Variants in GRIN2C observed in about 807,000 individuals in gnomAD.
GRIN2C encodes the protein glutamate ionotropic receptor NMDA type subunit 2C.
GRIN2C carries 64 observed loss-of-function variants against 77.7 expected under a neutral mutation model. That is an observed-to-expected ratio of 0.82 (90% confidence interval 0.67 to 1.01). The LOEUF is 1.01. Among genes scored for constraint, GRIN2C ranks in the 50% least tolerant of loss-of-function variants. GRIN2C has a pLI of 0.00. For synonymous variants in GRIN2C, 792 were observed against 643.4 expected, an observed-to-expected ratio of 1.23 and a Z score of -3.49; for missense variants, 1,549 against 1,486.0, an observed-to-expected ratio of 1.04 and a Z score of -0.70.
intron 12 of GRIN2C, 84 bp from the exon 13 acceptor site, chr17:74,843,637 A>T: frequency 6.7e-7 from 1 of 1,484,426 alleles, no homozygotes; most frequent in African/African-American, 1.4e-5. Flanking sequence ...GTCCCAAGGC[A>T]TCATCAGTCT....
upstream of GRIN2C, among the ~76,000 whole-genome samples, chr17:74,860,034 A>C (rs1598503232): frequency 7.4e-6 from 1 of 135,308 alleles, no homozygotes. Flanking sequence ...CCACTCCCCC[A>C]AGCTGGGTCG....
Position 74,844,256 on chromosome 17 carries a change from G to C in GRIN2C, c.2583+20C>G, listed in dbSNP as rs768116087. 1.2e-6 allele frequency: 2 copies of C among 1,612,724 alleles called. No individual in the cohort carries two copies. The highest frequency in any genetic ancestry group is 2.2e-5 in the South Asian group (2 of 91,064). On this transcript the variant is annotated intron_variant, in intron 12 of 12. Transcript: ENST00000293190. ...GTGCCCTTAAAACTTTGGCCTGTGT[G>C]GGGAGGGGTGGGCACCCACCCTGCT...
chr17:74,850,586 G>C lies in GRIN2C; in HGVS notation c.1295C>G (p.Pro432Arg), dbSNP rs958568011. 6.2e-7 allele frequency: 1 copy of C among 1,613,572 alleles called. No individual in the cohort carries two copies. Residue 432 changes from proline (P) to arginine (R), a missense_variant, in exon 5 of 13, where the codon CCC (proline) becomes CGC (arginine). Physicochemically the swap from Pro to Arg is moderately radical, Grantham distance 103. This residue lies in a region of GRIN2C where 717 missense variants were observed against 858.1 expected (regional missense o/e 0.84). Coordinates refer to ENST00000293190, the MANE Select transcript of GRIN2C (RefSeq NM_000835.6). The surrounding 1 kb of genome is among the most constrained non-coding windows in gnomAD (Gnocchi z 5.3). ...GTGGCVPNTVPCRRQSNHTFS... is the reference protein window; with the variant it reads ...GTGGCVPNTVRCRRQSNHTFS... ...GGTGTGGTTGCTCTGCCTGCGGCAG[G>C]GCACGGTGTTGGGGACACAGCCTCC...
chr17:74,850,452 G>A lies in GRIN2C; in HGVS notation c.1326-81C>T. ...CCGCCCCAGCCACTCCTCCAGCCTG[G>A]CACGTGGACCCCTGCCCCACACCCA... On this transcript the variant is annotated intron_variant, in intron 5 of 12. Transcript: ENST00000293190. This position sits in a 1 kb window ranked among gnomAD's most constrained non-coding sequence, Gnocchi z 5.3. The A allele has an allele frequency of 1.3e-6, 2 of 1,569,366 alleles. No homozygotes were observed. The highest frequency in any genetic ancestry group is 1.1e-5 in the South Asian group (1 of 90,128).
At position 74,842,637 on chromosome 17, in the gene GRIN2C, T is replaced by G. The variant is rs755849513; in HGVS notation, c.3500A>C (p.His1167Pro). Residue 1167 changes from histidine to proline, a missense_variant, in exon 13 of 13, where the codon CAC becomes CCC. This residue lies in a region of GRIN2C where 450 missense variants were observed against 267.9 expected (regional missense o/e 1.68). Transcript: ENST00000293190. ...GCCGTGGCTGGCACAGGGTGGAAGGTGAGGACAGACAGCCCCCCAGCAAAA... is the reference window on the plus strand; with the variant it reads ...GCCGTGGCTGGCACAGGGTGGAAGGGGAGGACAGACAGCCCCCCAGCAAAA... ...LPFCWGAVCPHLPPCASHGSW... is the reference protein window; with the variant it reads ...LPFCWGAVCPPLPPCASHGSW... 1 of 753,296 alleles carries G rather than the reference T, an allele frequency of 1.3e-6. No individual in the cohort carries two copies. Among genetic ancestry groups the G allele is most frequent in the Non-Finnish European group, 2.5e-6 (1 of 404,836 alleles). 46.7% of individuals were successfully genotyped at this position (753,296 alleles called of 1,614,324 possible).
In GRIN2C at chr17:74,852,352, T is replaced by C; in HGVS notation, c.659A>G (p.Asp220Gly). 6.9e-7 allele frequency: 1 copy of C among 1,454,878 alleles called. No individual in the cohort carries two copies. Among genetic ancestry groups the C allele is most frequent in the Non-Finnish European group, 9.0e-7 (1 of 1,111,240 alleles). 90.1% of individuals were successfully genotyped at this position (1,454,878 alleles called of 1,614,324 possible). Residue 220 changes from aspartate (D) to glycine (G), a missense_variant, in exon 3 of 13, where the codon GAC becomes GGC. Transcript: ENST00000293190. Reference protein sequence around the residue: ...ARTQRLLRQLDAPVFVAYCSR... With the variant: ...ARTQRLLRQLGAPVFVAYCSR... ...GCAGTAGGCCACAAACACGGGCGCGTCGAGCTGGCGCAGCAGGCGCTGCGT... is the reference window on the plus strand; with the variant it reads ...GCAGTAGGCCACAAACACGGGCGCGCCGAGCTGGCGCAGCAGGCGCTGCGT...
chr17:74,855,798 A>G (rs2037803947), intron 1 of GRIN2C, among the ~76,000 whole-genome samples: 1 of 151,588 alleles, frequency 6.6e-6, no homozygotes, highest in Admixed American at 6.6e-5. Context: ...CCATGGGGCC[A>G]GCCCCAAGGG....
chr17:74,854,785 G>A lies in GRIN2C; in HGVS notation c.308C>T (p.Ala103Val), dbSNP rs767307110. The A allele has an allele frequency of 6.2e-6, 10 of 1,613,694 alleles. No homozygotes were observed. The highest frequency in any genetic ancestry group is 5.5e-5 in the South Asian group (5 of 91,068). Reference sequence around the variant, plus strand: ...GATGAAGTCAAGGATCTGGGCCACCGCCTCGGTGTCCACGTTGTCCTCAAA... The same window carrying A: ...GATGAAGTCAAGGATCTGGGCCACCACCTCGGTGTCCACGTTGTCCTCAAA... ...IVFEDNVDTE[A>V]VAQILDFISS... Residue 103 changes from alanine to valine, a missense_variant, in exon 2 of 13, where the codon GCG becomes GTG. By Grantham distance (64) the Ala-to-Val change is moderately conservative (BLOSUM62 0). Transcript: ENST00000293190.
At chr17:74,855,243 G>C in intron 1 of GRIN2C, 136 bp from the exon 2 acceptor site, 1 of 672,724 alleles carries the variant, frequency 1.5e-6, no homozygotes, top group East Asian at 2.8e-5. Flanking sequence ...CCCGAAGAGA[G>C]GCGGAGAGAG....
rs2037556291 is a variant in GRIN2C, at chr17:74,849,236, C to G, written c.1645+544G>C. 6.6e-6 allele frequency among the ~76,000 whole-genome samples: 1 copy of G among 152,108 alleles called. No homozygotes were observed. The highest frequency in any genetic ancestry group is 6.5e-5 in the Admixed American group (1 of 15,284). On this transcript the variant is annotated intron_variant, in intron 7 of 12. Coordinates refer to ENST00000293190, the MANE Select transcript of GRIN2C (RefSeq NM_000835.6). The surrounding 1 kb of genome is among the most constrained non-coding windows in gnomAD (Gnocchi z 4.6). ...GGGGTTTCCACTCCTGTCTGGCCAG[C>G]CTCAGCTCTTCCCCTGCCCCTCGCC...
At position 74,847,361 on chromosome 17, in the gene GRIN2C, A is replaced by G. The variant is rs2037492326; in HGVS notation, c.1948T>C (p.Phe650Leu). The G allele has an allele frequency of 1.2e-6, 2 of 1,608,070 alleles. No individual in the cohort carries two copies. The highest frequency in any genetic ancestry group is 2.7e-5 in the African/African-American group (2 of 74,574). Residue 650 changes from phenylalanine (F) to leucine (L), a missense_variant, in exon 9 of 13, where the codon TTC becomes CTC. By Grantham distance (22) the Phe-to-Leu change is conservative (BLOSUM62 0). Around this residue, in one of 3 missense-constraint regions of GRIN2C, gnomAD observed 717 missense variants for 858.1 expected, o/e 0.84. Transcript: ENST00000293190. This position sits in a 1 kb window ranked among gnomAD's most constrained non-coding sequence, Gnocchi z 5.2. The part of the protein sequence containing the change: ...LASYTANLAA[F>L]MIQEQYIDTV... The stretch of plus-strand genomic sequence containing the variant: ...TCGATGTATTGCTCTTGGATCATGA[A>G]GGCGGCCAGGTTGGCCGTGTAGCTG...
chr17:74,850,912 C>G lies in GRIN2C; in HGVS notation c.1114-145G>C. The stretch of plus-strand genomic sequence containing the variant: ...GTAGGGCTGCTCCCAACAGCCTCCC[C>G]CAGCCTCGGGTCCCTGTGTTCATAC... On this transcript the variant is annotated intron_variant, in intron 4 of 12. Coordinates refer to ENST00000293190, the MANE Select transcript of GRIN2C (RefSeq NM_000835.6). This position sits in a 1 kb window ranked among gnomAD's most constrained non-coding sequence, Gnocchi z 5.3. The G allele has an allele frequency of 1.5e-6, 1 of 665,716 alleles. No individual in the cohort carries two copies. Among genetic ancestry groups the G allele is most frequent in the Non-Finnish European group, 2.7e-6 (1 of 375,302 alleles). The allele number at this position is 665,716 out of a possible 1,614,324, so 41.2% of individuals were successfully genotyped here.
At chr17:74,860,375 C>A (rs1253072699), upstream of GRIN2C, 3 of 455,682 alleles carry the variant, frequency 6.6e-6, no homozygotes, top group Non-Finnish European at 1.3e-5. Context: ...TCCCCTTGGA[C>A]GACCAGGGCT....
chr17:74,855,087 A>G lies in GRIN2C; in HGVS notation c.6T>C (p.Gly2=), dbSNP rs1007989226. The G allele has an allele frequency of 1.9e-6, 3 of 1,582,682 alleles. No homozygotes were observed. Among genetic ancestry groups the G allele is most frequent in the Non-Finnish European group, 2.6e-6 (3 of 1,170,662 alleles). The change falls in exon 2 of 13, where the codon GGT becomes GGC. Residue 2 remains glycine (G), a synonymous_variant. Coordinates refer to ENST00000293190, the MANE Select transcript of GRIN2C (RefSeq NM_000835.6). The part of the protein sequence containing the change: M[G]GALGPALLLT... ...GCAACAGGGCCGGCCCCAGGGCCCCACCCATGTCCACCGGAGGGTCCTGCG... is the reference window on the plus strand; with the variant it reads ...GCAACAGGGCCGGCCCCAGGGCCCCGCCCATGTCCACCGGAGGGTCCTGCG...
At chr17:74,857,503 G>T (rs2037848357) in intron 1 of GRIN2C, among the ~76,000 whole-genome samples, 1 of 152,152 alleles carries the variant, frequency 6.6e-6, no homozygotes, top group Admixed American at 6.5e-5. Flanking sequence ...GTCTGGCAAG[G>T]GATCGATCCT....
chr17:74,852,083 G>A lies in GRIN2C; in HGVS notation c.928C>T (p.Leu310=). 1 of 1,461,378 alleles carries A rather than the reference G, an allele frequency of 6.8e-7. No homozygotes were observed. Among genetic ancestry groups the A allele is most frequent in the Non-Finnish European group, 9.0e-7 (1 of 1,105,612 alleles). The allele number at this position is 1,461,378 out of a possible 1,614,324, so 90.5% of individuals were successfully genotyped here. A position where few individuals can be genotyped will look rare whatever the true frequency, so the allele number is the denominator to read the frequency against. ...AHSYWRQHGT[L]PAPAGDCRVH... ...CGGCAGTCCCCGGCCGGGGCTGGCA[G>A]GGTTCCATGCTGGCGCCAGTAGCTG... is the stretch of plus-strand genomic sequence containing the variant. The change falls in exon 3 of 13, where the codon CTG becomes TTG. Residue 310 remains leucine (L), a synonymous_variant. Transcript: ENST00000293190.
chr17:74,844,106 T>A (rs909292527), intron 12 of GRIN2C, 170 bp downstream of exon 12: 1 of 1,335,054 alleles, frequency 7.5e-7, no homozygotes, highest in Non-Finnish European at 9.9e-7. Context: ...ACTTCTGGAC[T>A]CAAGGGATCC....
chr17:74,843,464 G>A lies in GRIN2C; in HGVS notation c.2673C>T (p.Ala891=). The change falls in exon 13 of 13, where the codon GCC becomes GCT. Residue 891 remains alanine, a synonymous_variant. Transcript: ENST00000293190. ...SPDLTASSAQ[A]SVLKMLQAAR... ...CTGCCTGCAGCATCTTGAGCACGCTGGCCTGGGCCGAGCTGGCCGTGAGGT... is the reference window on the plus strand; with the variant it reads ...CTGCCTGCAGCATCTTGAGCACGCTAGCCTGGGCCGAGCTGGCCGTGAGGT... The A allele has an allele frequency of 6.5e-7, 1 of 1,534,856 alleles. No homozygotes were observed. The highest frequency in any genetic ancestry group is 8.7e-7 in the Non-Finnish European group (1 of 1,146,376).
In GRIN2C at chr17:74,850,972, C is replaced by T; in HGVS notation, c.1114-205G>A. 2 of 599,144 alleles carry T rather than the reference C, an allele frequency of 3.3e-6. No individual in the cohort carries two copies. Among genetic ancestry groups the T allele is most frequent in the Non-Finnish European group, 6.0e-6 (2 of 335,470 alleles). The allele number at this position is 599,144 out of a possible 1,614,324, so 37.1% of individuals were successfully genotyped here. On this transcript the variant is annotated intron_variant, in intron 4 of 12. Coordinates refer to ENST00000293190, the MANE Select transcript of GRIN2C (RefSeq NM_000835.6). This position sits in a 1 kb window ranked among gnomAD's most constrained non-coding sequence, Gnocchi z 5.3. ...CTGACCCACAGCATCTTCCTAAAGC[C>T]CAGACCTGACCCTGTCTCACTCACT... is the stretch of plus-strand genomic sequence containing the variant.
Sources: gnomAD v4.1 joint callset for allele counts (sites outside exome capture counted in the v4.1 genomes callset) on GRCh38, gnomAD v4.1.1 for gene constraint, gnomAD v4.1.1 regional missense constraint, Gnocchi (gnomAD v3.1) non-coding constraint, MANE v1.5 for transcripts, NCBI Gene and HGNC (gene_info 2026-07-23, HGNC 2026-07-21) for gene names.